SUSD1: variants seen among roughly 807,000 people sequenced by gnomAD.
SUSD1 encodes sushi domain containing 1, also known as sushi domain-containing protein 1.
SUSD1 carries 65 observed loss-of-function variants against 86.9 expected under a neutral mutation model. The observed-to-expected ratio is 0.75, with a 90% CI of 0.61 to 0.92. The LOEUF is 0.92. Among genes scored for constraint, SUSD1 ranks in the 40% least tolerant of loss-of-function variants. The pLI is 0.00. For missense variants in SUSD1, 850 were observed against 929.7 expected, an observed-to-expected ratio of 0.91 and a Z score of 1.11; for synonymous variants, 346 against 350.0, an observed-to-expected ratio of 0.99 and a Z score of 0.13.
At chr9:112,156,679 G>A (rs776570871) in intron 2 of SUSD1, among the ~76,000 whole-genome samples, 40 of 152,076 alleles carry the variant, frequency 2.6e-4, no homozygotes, top group Non-Finnish European at 4.1e-4. Flanking sequence ...CAGAATAGCT[G>A]GGATTACAAG....
chr9:112,082,138 A>G (rs1564278345), intron 10 of SUSD1, among the ~76,000 whole-genome samples: 2 of 152,256 alleles, frequency 1.3e-5, no homozygotes, highest in East Asian at 3.8e-4. Flanking sequence ...TGAGCTATAA[A>G]TGCCAGAAAG....
intron 8 of SUSD1, among the ~76,000 whole-genome samples, chr9:112,108,774 C>CAAAAAAAAAAAAAAA (rs11312103): frequency 4.4e-5 from 3 of 68,606 alleles, no homozygotes; most frequent in African/African-American, 4.8e-5. Flanking sequence ...CTGGGTGTCT[C>CAAAAAAAAAAAAAAA]AAAAAAAAAA....
chr9:112,050,400 T>C (rs59261381), intron 15 of SUSD1, among the ~76,000 whole-genome samples: 175 of 152,192 alleles, frequency 1.1e-3, no homozygotes, highest in African/African-American at 4.0e-3. Flanking sequence ...GGTAAAAAGA[T>C]GAAAATAAGA....
At chr9:112,047,737 CTCTT>C (rs1048115129) in intron 15 of SUSD1, among the ~76,000 whole-genome samples, 3 of 152,150 alleles carry the variant, frequency 2.0e-5, no homozygotes, top group Non-Finnish European at 4.4e-5. Context: ...ACTTCCTAGA[CTCTT>C]TCTTGCTTCC....
At position 112,080,063 on chromosome 9, in the gene SUSD1, C is replaced by T. The variant is rs1431906354; in HGVS notation, c.1566+11G>A. 4.4e-6 allele frequency: 7 copies of T among 1,591,418 alleles called. No homozygotes were observed. The highest frequency in any genetic ancestry group is 6.0e-6 in the Non-Finnish European group (7 of 1,159,704). On this transcript the variant is annotated intron_variant, in intron 11 of 16. Coordinates refer to ENST00000374270, the MANE Select transcript of SUSD1 (RefSeq NM_022486.5). ...AACCATCTATAAATACAGTAACTTT[C>T]AGTCACTTACTAAATACATCTCCTC...
intron 1 of SUSD1, among the ~76,000 whole-genome samples, chr9:112,167,019 G>A (rs923510511): frequency 1.3e-5 from 2 of 152,120 alleles, no homozygotes; most frequent in East Asian, 1.9e-4. Context: ...AACAATGAGA[G>A]GGTGAGACAG....
chr9:112,118,045 C>G (rs1266747883), intron 6 of SUSD1, among the ~76,000 whole-genome samples: 1 of 152,166 alleles, frequency 6.6e-6, no homozygotes. Context: ...AGGGGCTGGT[C>G]TAGTGTACTC....
intron 3 of SUSD1, chr9:112,146,036 G>A (rs375237857): frequency 6.6e-6 from 1 of 152,170 alleles, no homozygotes; most frequent in African/African-American, 2.4e-5. Flanking sequence ...ACACCTGGAT[G>A]CAGGATTCCT....
intron 10 of SUSD1, among the ~76,000 whole-genome samples, chr9:112,085,195 G>T (rs1829926806): frequency 6.6e-6 from 1 of 152,160 alleles, no homozygotes; most frequent in Non-Finnish European, 1.5e-5. Flanking sequence ...TGACCCAGTG[G>T]AATATAAGTA....
chr9:112,093,458 C>T (rs1287740614), intron 10 of SUSD1, among the ~76,000 whole-genome samples: 6 of 152,152 alleles, frequency 3.9e-5, no homozygotes, highest in Non-Finnish European at 8.8e-5. Flanking sequence ...GGTGGGTAAG[C>T]CAGGCAAGGG....
chr9:112,102,238 T>C lies in SUSD1; in HGVS notation c.1219A>G (p.Asn407Asp). 1 of 1,604,198 alleles carries C rather than the reference T, an allele frequency of 6.2e-7. No homozygotes were observed. The highest frequency in any genetic ancestry group is 1.1e-5 in the South Asian group (1 of 89,290). Residue 407 changes from asparagine to aspartate, a missense_variant, in exon 9 of 17, where the codon AAT becomes GAT. Transcript: ENST00000374270. ...DDGSFNISIFNETCLKLNRRS... is the reference protein window; with the variant it reads ...DDGSFNISIFDETCLKLNRRS... ...CTGTTCAATTTCAAACAAGTTTCAT[T>C]AAATATTGAAATATTGAAACTTCCA...
At chr9:112,165,846 GAGAAAGA>G (rs1474235957) in intron 1 of SUSD1, among the ~76,000 whole-genome samples, 1 of 133,254 alleles carries the variant, frequency 7.5e-6, no homozygotes, top group African/African-American at 2.8e-5. Flanking sequence ...AAGAAAGAAA[GAGAAAGA>G]GAAGGAAGGA....
chr9:112,144,169 G>A (rs1418743240), intron 3 of SUSD1, among the ~76,000 whole-genome samples: 2 of 151,946 alleles, frequency 1.3e-5, no homozygotes, highest in African/African-American at 4.8e-5. Context: ...GAACCTAGGA[G>A]GCGGAGCTTG....
At chr9:112,107,900 A>G (rs1042574342) in intron 8 of SUSD1, among the ~76,000 whole-genome samples, 1 of 152,258 alleles carries the variant, frequency 6.6e-6, no homozygotes, top group African/African-American at 2.4e-5. Context: ...GAATAACCTT[A>G]TTAATAAAGT....
intron 6 of SUSD1, among the ~76,000 whole-genome samples, chr9:112,123,248 A>G (rs1399695989): frequency 1.3e-5 from 2 of 152,190 alleles, no homozygotes; most frequent in African/African-American, 2.4e-5. Flanking sequence ...GAAGTTGACA[A>G]TCGTGGCAGA....
At chr9:112,078,255 G>A (rs1352169741) in intron 12 of SUSD1, among the ~76,000 whole-genome samples, 1 of 152,218 alleles carries the variant, frequency 6.6e-6, no homozygotes, top group Non-Finnish European at 1.5e-5. Context: ...GCTGAGGCAG[G>A]AGGATCATTT....
intron 6 of SUSD1, among the ~76,000 whole-genome samples, chr9:112,120,786 TGC>T (rs2131676589): frequency 6.6e-6 from 1 of 152,340 alleles, no homozygotes; most frequent in African/African-American, 2.4e-5. Context: ...CTATGCCCCA[TGC>T]AGATCCACTG....
At chr9:112,061,987 T>G (rs994205114) in intron 13 of SUSD1, among the ~76,000 whole-genome samples, 1 of 152,174 alleles carries the variant, frequency 6.6e-6, no homozygotes, top group Non-Finnish European at 1.5e-5. Context: ...TTCCTAATCC[T>G]GCCATGACCT....
intron 12 of SUSD1, among the ~76,000 whole-genome samples, chr9:112,070,739 T>A (rs1022523768): frequency 2.6e-5 from 4 of 151,938 alleles, no homozygotes; most frequent in Non-Finnish European, 5.9e-5. Context: ...AAATATTAAA[T>A]GTATCATAAA....
Sources: allele counts gnomAD v4.1 joint callset (sites outside exome capture counted in the v4.1 genomes callset), GRCh38; gene constraint gnomAD v4.1.1; transcripts MANE v1.5; gene names NCBI Gene and HGNC (gene_info 2026-07-23, HGNC 2026-07-21).